The following GRID2 variants were observed in gnomAD, a reference collection of about 807,000 sequenced individuals.
GRID2 encodes glutamate ionotropic receptor delta type subunit 2.
In GRID2, 33 loss-of-function variants were observed where a neutral mutation model predicts 114.8. The observed-to-expected ratio is 0.29, with a 90% CI of 0.22 to 0.38. GRID2 has a LOEUF of 0.38. Among genes scored for constraint, GRID2 ranks in the 10% least tolerant of loss-of-function variants. GRID2 has a pLI of 1.00. For missense variants in GRID2, 1,184 were observed against 1,257.7 expected (o/e 0.94, Z 0.89); for synonymous variants, 505 against 449.9 (o/e 1.12, Z -1.55).
intron 1 of GRID2, among the ~76,000 whole-genome samples, chr4:92,580,007 T>C (rs1188369718): frequency 6.8e-6 from 1 of 147,872 alleles, no homozygotes; most frequent in African/African-American, 2.4e-5. Context: ...ATATATTTTA[T>C]ATATAGTATA....
chr4:92,695,231 G>C (rs933114249), intron 2 of GRID2, among the ~76,000 whole-genome samples: 2 of 152,046 alleles, frequency 1.3e-5, no homozygotes, highest in Non-Finnish European at 2.9e-5. Flanking sequence ...CTCCCAAAGT[G>C]CTTGGATTAC....
chr4:92,990,563 C>A (rs1292849191), intron 2 of GRID2, among the ~76,000 whole-genome samples: 3 of 151,856 alleles, frequency 2.0e-5, no homozygotes, highest in Non-Finnish European at 4.4e-5. Context: ...GATCTACCCG[C>A]CTCAGCTTCC....
intron 2 of GRID2, among the ~76,000 whole-genome samples, chr4:92,809,191 G>A (rs1247450157): frequency 6.6e-6 from 1 of 151,810 alleles, no homozygotes; most frequent in African/African-American, 2.4e-5. Flanking sequence ...GCATGTAGTA[G>A]TATTTAAAAC....
At chr4:92,632,718 G>T (rs369199464) in intron 2 of GRID2, among the ~76,000 whole-genome samples, 1 of 151,446 alleles carries the variant, frequency 6.6e-6, no homozygotes, top group Admixed American at 6.6e-5. Flanking sequence ...AAGGGAAGGA[G>T]TGAAGAAAGG....
At chr4:93,096,763 A>T (rs559243780) in intron 3 of GRID2, among the ~76,000 whole-genome samples, 1 of 151,938 alleles carries the variant, frequency 6.6e-6, no homozygotes, top group Non-Finnish European at 1.5e-5. Context: ...CTGTTTGGCA[A>T]TTTTTTACCA....
chr4:92,974,895 C>T (rs1025579352), intron 2 of GRID2, among the ~76,000 whole-genome samples: 3 of 151,886 alleles, frequency 2.0e-5, no homozygotes, highest in African/African-American at 4.8e-5. Flanking sequence ...CGGCGGCTCA[C>T]GCCTGTAATC....
intron 8 of GRID2, among the ~76,000 whole-genome samples, chr4:93,329,291 G>A (rs1015464418): frequency 1.2e-4 from 19 of 152,002 alleles, no homozygotes; most frequent in African/African-American, 1.9e-4. Context: ...GACATTTGTC[G>A]CTATACTAAA....
At chr4:93,091,686 C>T (rs1730804516) in intron 3 of GRID2, among the ~76,000 whole-genome samples, 1 of 152,200 alleles carries the variant, frequency 6.6e-6, no homozygotes, top group African/African-American at 2.4e-5. Flanking sequence ...GCAAGAGCTA[C>T]AAGGACATTT....
chr4:92,809,765 C>T (rs989724810), intron 2 of GRID2, among the ~76,000 whole-genome samples: 1 of 151,948 alleles, frequency 6.6e-6, no homozygotes. Flanking sequence ...CATTAGTCTG[C>T]AGTTGAAGGT....
chr4:93,342,033 A>G (rs192075033), intron 8 of GRID2, among the ~76,000 whole-genome samples: 17 of 152,268 alleles, frequency 1.1e-4, no homozygotes, highest in Admixed American at 9.2e-4. Context: ...GGTCCAAGCT[A>G]TGCAATATTG....
intron 2 of GRID2, among the ~76,000 whole-genome samples, chr4:92,843,596 C>T (rs58008891): frequency 0.36 from 54,331 of 151,854 alleles, 10,214 homozygotes; most frequent in Admixed American, 0.51. Flanking sequence ...TGAGAAGATA[C>T]TGCTTTACCC....
intron 2 of GRID2, among the ~76,000 whole-genome samples, chr4:93,005,815 C>G (rs1713571042): frequency 6.6e-6 from 1 of 151,988 alleles, no homozygotes; most frequent in South Asian, 2.1e-4. Context: ...TTGTACGTTT[C>G]TTTTTATATG....
intron 1 of GRID2, among the ~76,000 whole-genome samples, chr4:92,448,779 C>A (rs1733602534): frequency 6.6e-6 from 1 of 151,744 alleles, no homozygotes; most frequent in East Asian, 1.9e-4. Context: ...GGGTAAAAAG[C>A]ATAAACACAT....
At chr4:93,693,021 T>C (rs1367548318) in intron 14 of GRID2, among the ~76,000 whole-genome samples, 2 of 152,194 alleles carry the variant, frequency 1.3e-5, no homozygotes, top group Non-Finnish European at 2.9e-5. Context: ...TCAGGAAGCT[T>C]GTTAGTGATT....
At chr4:93,469,808 C>T (rs1724632761) in intron 11 of GRID2, among the ~76,000 whole-genome samples, 1 of 152,202 alleles carries the variant, frequency 6.6e-6, no homozygotes, top group South Asian at 2.1e-4. Context: ...TATCGGAAAA[C>T]AAGGTCAGAT....
At chr4:93,093,756 C>T (rs1486637858) in intron 3 of GRID2, among the ~76,000 whole-genome samples, 1 of 151,942 alleles carries the variant, frequency 6.6e-6, no homozygotes, top group Non-Finnish European at 1.5e-5. Flanking sequence ...CCCAAGATTT[C>T]TCAGAATATT....
At chr4:93,622,350 A>G (rs539212163) in intron 13 of GRID2, among the ~76,000 whole-genome samples, 1 of 152,290 alleles carries the variant, frequency 6.6e-6, no homozygotes, top group East Asian at 1.9e-4. Flanking sequence ...GTTTCCGATG[A>G]TATTACTCAT....
intron 4 of GRID2, among the ~76,000 whole-genome samples, chr4:93,124,271 T>C (rs1296134153): frequency 6.6e-6 from 1 of 152,174 alleles, no homozygotes; most frequent in Non-Finnish European, 1.5e-5. Flanking sequence ...TTAATTAAAA[T>C]GATTTTCAAA....
downstream of GRID2, among the ~76,000 whole-genome samples, chr4:93,776,401 C>T (rs1340626322): frequency 1.3e-5 from 2 of 152,142 alleles, no homozygotes; most frequent in African/African-American, 4.8e-5. Context: ...GAGAATAAAG[C>T]TATAATTTAT....
Sources: gnomAD v4.1 joint callset for allele counts (sites outside exome capture counted in the v4.1 genomes callset) on GRCh38, gnomAD v4.1.1 for gene constraint, MANE v1.5 for transcripts, NCBI Gene and HGNC (gene_info 2026-07-23, HGNC 2026-07-21) for gene names.